HIVEP3: variants seen among roughly 807,000 people sequenced by gnomAD.
The protein encoded by HIVEP3 is transcription factor HIVEP3.
A neutral mutation model predicts 152.8 loss-of-function variants in HIVEP3; 49 were observed. The observed-to-expected ratio is 0.32, with a 90% confidence interval of 0.26 to 0.41. HIVEP3 has a LOEUF of 0.41. Among genes scored for constraint, HIVEP3 ranks in the 10% least tolerant of loss-of-function variants. The probability of loss-of-function intolerance (pLI) is 1.00; values close to 1 mark genes in which losing one functional copy is unlikely to be tolerated. For synonymous variants in HIVEP3, 1,269 were observed against 1,289.0 expected, an observed-to-expected ratio of 0.98 and a Z score of 0.33; for missense variants, 2,790 against 3,103.3, an observed-to-expected ratio of 0.90 and a Z score of 2.40.
intron 1 of HIVEP3, among the ~76,000 whole-genome samples, chr1:41,991,964 A>G (rs1645364676): frequency 6.8e-6 from 1 of 146,324 alleles, no homozygotes; most frequent in Non-Finnish European, 1.5e-5. Flanking sequence ...CATGCTAAAA[A>G]CTCTCAATAA....
chr1:41,747,534 A>T (rs1172803100), intron 1 of HIVEP3, among the ~76,000 whole-genome samples: 1 of 152,264 alleles, frequency 6.6e-6, no homozygotes, highest in Non-Finnish European at 1.5e-5. Flanking sequence ...AATAAAAATG[A>T]CTTATGATCC....
At chr1:41,677,988 G>A (rs1478768453) in intron 2 of HIVEP3, among the ~76,000 whole-genome samples, 1 of 152,198 alleles carries the variant, frequency 6.6e-6, no homozygotes, top group African/African-American at 2.4e-5. Context: ...ATTGGGTTGG[G>A]GACAGGGCAT....
rs1034239575 is a variant in HIVEP3, at chr1:41,512,802, G to C, written c.6405+14C>G. 2.0e-6 allele frequency: 3 copies of C among 1,470,626 alleles called. No homozygotes were observed. In the African/African-American group the frequency reaches 4.2e-5, roughly 21 times the overall value. 91.1% of individuals were successfully genotyped at this position (1,470,626 alleles called of 1,614,324 possible). A position where few individuals can be genotyped will look rare whatever the true frequency, so the allele number is the denominator to read the frequency against. ...AGGGGAGAAGCGGCCCAGCCACCAG[G>C]GGCAGGAACTCACCCACGGGGAGGC... On this transcript the variant is annotated intron_variant, in intron 8 of 8. Transcript: ENST00000372583.
At chr1:41,994,555 C>T (rs1406502377) in intron 1 of HIVEP3, among the ~76,000 whole-genome samples, 1 of 152,094 alleles carries the variant, frequency 6.6e-6, no homozygotes. Context: ...GCATTTCCCC[C>T]ATCACTCTCT....
intron 2 of HIVEP3, among the ~76,000 whole-genome samples, chr1:41,679,605 G>A (rs1004116777): frequency 1.1e-4 from 16 of 152,208 alleles, no homozygotes; most frequent in African/African-American, 2.7e-4. Flanking sequence ...CCTACAAGGT[G>A]CTGCTGCCCA....
intron 1 of HIVEP3, among the ~76,000 whole-genome samples, chr1:42,028,603 A>G (rs186708905): frequency 3.9e-5 from 6 of 152,238 alleles, no homozygotes; most frequent in Admixed American, 2.6e-4. Flanking sequence ...CTAGAGTCCA[A>G]TTAGCCATTG....
chr1:41,936,850 TA>T (rs891026421), intron 1 of HIVEP3, among the ~76,000 whole-genome samples: 3 of 152,234 alleles, frequency 2.0e-5, no homozygotes, highest in African/African-American at 7.2e-5. Context: ...AAGGGATTTC[TA>T]TTAATAATTA....
chr1:41,631,112 T>C (rs1645187664), intron 2 of HIVEP3, among the ~76,000 whole-genome samples: 1 of 152,180 alleles, frequency 6.6e-6, no homozygotes, highest in Non-Finnish European at 1.5e-5. Flanking sequence ...AAAGCCGAAG[T>C]TGTTTCAGTC....
chr1:41,559,169 G>T (rs1375721140), intron 5 of HIVEP3, among the ~76,000 whole-genome samples: 2 of 151,932 alleles, frequency 1.3e-5, no homozygotes, highest in Non-Finnish European at 2.9e-5. Context: ...ACCTCTCCTG[G>T]CCTCAGCAGA....
At position 41,511,949 on chromosome 1, in the gene HIVEP3, A is replaced by G. The variant is rs1357502170; in HGVS notation, c.6406-683T>C. 6.6e-6 allele frequency among the ~76,000 whole-genome samples: 1 copy of G among 151,964 alleles called. No homozygotes were observed. The highest frequency in any genetic ancestry group is 2.4e-5 in the African/African-American group (1 of 41,354). ...GACAGTGGTGGTGCTGGCCATGGGG[A>G]TAGTGCTGATGGTTGACAAGGATGA... On this transcript the variant is annotated intron_variant, in intron 8 of 8. Coordinates refer to ENST00000372583, the MANE Select transcript of HIVEP3 (RefSeq NM_024503.5). The surrounding 1 kb of genome is among the most constrained non-coding windows in gnomAD (Gnocchi z 4.9).
At chr1:41,861,954 C>A (rs930147908) in intron 1 of HIVEP3, among the ~76,000 whole-genome samples, 1 of 152,028 alleles carries the variant, frequency 6.6e-6, no homozygotes, top group African/African-American at 2.4e-5. Flanking sequence ...GAAGATACCA[C>A]AAAGCAAATA....
intron 3 of HIVEP3, among the ~76,000 whole-genome samples, chr1:41,611,818 G>C (rs1644902076): frequency 6.6e-6 from 1 of 152,168 alleles, no homozygotes; most frequent in African/African-American, 2.4e-5. Flanking sequence ...ACTAGAGTTG[G>C]GTTTCGGGGA....
At chr1:41,819,701 G>A (rs1642531671) in intron 1 of HIVEP3, among the ~76,000 whole-genome samples, 1 of 152,188 alleles carries the variant, frequency 6.6e-6, no homozygotes, top group Non-Finnish European at 1.5e-5. Flanking sequence ...TTTGCGGTCA[G>A]AGACATATAT....
At position 41,873,155 on chromosome 1, in the gene HIVEP3, G is replaced by C. The variant is rs1644111782; in HGVS notation, c.-801+45258C>G. On this transcript the variant is annotated intron_variant, in intron 1 of 8. Coordinates refer to ENST00000372583, the MANE Select transcript of HIVEP3 (RefSeq NM_024503.5). The surrounding 1 kb of genome is among the most constrained non-coding windows in gnomAD (Gnocchi z 4.2). ...GGTCTGCTCAGGACTGCTCTAGCCA[G>C]ATGCCTCCCCTGGTGTTTACTTCAC... Among the ~76,000 whole-genome samples the C allele has an allele frequency of 6.6e-6, 1 of 152,256 alleles. No individual in the cohort carries two copies. Among genetic ancestry groups the C allele is most frequent in the African/African-American group, 2.4e-5 (1 of 41,472 alleles).
At chr1:41,914,456 T>C (rs552841603) in intron 1 of HIVEP3, among the ~76,000 whole-genome samples, 2 of 152,372 alleles carry the variant, frequency 1.3e-5, no homozygotes, top group South Asian at 4.1e-4. Flanking sequence ...AACTGAGAAA[T>C]ACTCTTCCAT....
chr1:41,930,534 G>T (rs1287672602), intron 1 of HIVEP3, among the ~76,000 whole-genome samples: 1 of 152,148 alleles, frequency 6.6e-6, no homozygotes, highest in African/African-American at 2.4e-5. Context: ...CATCTCAGTT[G>T]TGTCCAGTTT....
At position 41,622,266 on chromosome 1, in the gene HIVEP3, A is replaced by G. The variant is rs2149142643; in HGVS notation, c.-522+6483T>C. Among the ~76,000 whole-genome samples, 3 of 152,300 alleles carry G rather than the reference A, an allele frequency of 2.0e-5. No individual in the cohort carries two copies. The South Asian group carries it at 6.2e-4, about 32-fold the overall frequency. On this transcript the variant is annotated intron_variant, in intron 3 of 8. Coordinates refer to ENST00000372583, the MANE Select transcript of HIVEP3 (RefSeq NM_024503.5). Reference sequence around the variant, plus strand: ...AGAAATAAAGACAGGGTACCACAGAATCCCAGAGTAAAGGTCCTAATGCCA... The same window carrying G: ...AGAAATAAAGACAGGGTACCACAGAGTCCCAGAGTAAAGGTCCTAATGCCA...
chr1:41,508,364 G>A lies in HIVEP3; in HGVS notation c.*2087C>T, dbSNP rs759447895. The A allele has an allele frequency of 6.6e-6, 1 of 152,296 alleles. No individual in the cohort carries two copies. The highest frequency in any genetic ancestry group is 1.5e-5 in the Non-Finnish European group (1 of 68,100). 9.4% of individuals were successfully genotyped at this position (152,296 alleles called of 1,614,324 possible). ...AAAAGCCCTGGCCTCCTGGGACTTG[G>A]AGGAGTCACTTTCTGTCAGGCCACT... On this transcript the variant is annotated 3_prime_UTR_variant, in exon 9 of 9. Transcript: ENST00000372583.
At chr1:41,823,266 T>C (rs191560648) in intron 1 of HIVEP3, among the ~76,000 whole-genome samples, 2 of 152,364 alleles carry the variant, frequency 1.3e-5, no homozygotes, top group African/African-American at 2.4e-5. Flanking sequence ...GTTTAAACCA[T>C]GCAGTCTGTG....
Sources: gnomAD v4.1 joint callset for allele counts (sites outside exome capture counted in the v4.1 genomes callset) on GRCh38, gnomAD v4.1.1 for gene constraint, Gnocchi (gnomAD v3.1) non-coding constraint, MANE v1.5 for transcripts, NCBI Gene and HGNC (gene_info 2026-07-23, HGNC 2026-07-21) for gene names.